The following RSPH14 variants were observed in gnomAD, a reference collection of about 807,000 sequenced individuals.
The protein encoded by RSPH14 is rhabdoid tumor deletion region gene 1.
Under a neutral mutation model 26.7 loss-of-function variants are expected in RSPH14, and 20 were observed. The observed-to-expected ratio is 0.75, with a 90% CI of 0.53 to 1.09. The LOEUF is 1.09. Among genes scored for constraint, RSPH14 ranks in the 50% least tolerant of loss-of-function variants. RSPH14 has a pLI of 0.00. For synonymous variants in RSPH14, 177 were observed against 189.3 expected, an observed-to-expected ratio of 0.93 and a Z score of 0.53; for missense variants, 449 against 457.2, an observed-to-expected ratio of 0.98 and a Z score of 0.16.
intron 4 of RSPH14, among the ~76,000 whole-genome samples, chr22:23,087,429 G>C (rs2068850027): frequency 1.3e-5 from 2 of 152,194 alleles, no homozygotes; most frequent in South Asian, 4.1e-4. Context: ...GTGCACTGCA[G>C]CTGGGTGACA....
In RSPH14 at chr22:23,090,019, C is replaced by T. The variant is rs142255300; in HGVS notation, c.422-25886G>A. Reference sequence around the variant, plus strand: ...CTATGTCGCACTAAGTCCTAAGCGACCTCCTGGTGAATTTGCCACACCCTT... The same window carrying T: ...CTATGTCGCACTAAGTCCTAAGCGATCTCCTGGTGAATTTGCCACACCCTT... On this transcript the variant is annotated intron_variant, in intron 4 of 6. Transcript: ENST00000216036. Among the ~76,000 whole-genome samples, 243 of 152,232 alleles carry T rather than the reference C, an allele frequency of 1.6e-3. 1 individual carries two copies. Among genetic ancestry groups the T allele is most frequent in the African/African-American group, 5.7e-3 (236 of 41,536 alleles).
the RSPH14 span, among the ~76,000 whole-genome samples, chr22:23,171,625 C>T: frequency 1.3e-5 from 2 of 152,036 alleles, no homozygotes; most frequent in South Asian, 2.1e-4. Context: ...GGTGGATCAC[C>T]TGAGGTCAGG....
chr22:23,146,395 G>T (rs1321694180), upstream of RSPH14, among the ~76,000 whole-genome samples: 1 of 150,268 alleles, frequency 6.7e-6, no homozygotes, highest in Non-Finnish European at 1.5e-5. Flanking sequence ...TTTTTTTGTA[G>T]AGACTGAGGT....
chr22:23,059,445 A>G lies in RSPH14; in HGVS notation c.*17T>C, dbSNP rs756927027. On this transcript the variant is annotated 3_prime_UTR_variant, in exon 7 of 7. Coordinates refer to ENST00000216036, the MANE Select transcript of RSPH14 (RefSeq NM_014433.3). ...AGACTTAGCACATTTATTCACTCAC[A>G]GAGGTGAATGAAGGGCTCAGGGTTT... 6.3e-7 allele frequency: 1 copy of G among 1,581,184 alleles called. No homozygotes were observed. Among genetic ancestry groups the G allele is most frequent in the Non-Finnish European group, 8.6e-7 (1 of 1,159,586 alleles).
At chr22:23,178,638 T>G in the RSPH14 span, among the ~76,000 whole-genome samples, 2 of 152,210 alleles carry the variant, frequency 1.3e-5, no homozygotes, top group African/African-American at 4.8e-5. Context: ...AGCAGTGAGC[T>G]GCGCACCGCC....
the RSPH14 span, among the ~76,000 whole-genome samples, chr22:23,158,733 C>T: frequency 5.3e-5 from 8 of 152,230 alleles, no homozygotes; most frequent in Non-Finnish European, 8.8e-5. Flanking sequence ...CAACGCCCTT[C>T]CGGCTGGAGG....
intron 3 of RSPH14, among the ~76,000 whole-genome samples, chr22:23,135,526 A>ATAAATT (rs1160636362): frequency 3.7e-4 from 56 of 151,434 alleles, no homozygotes; most frequent in Non-Finnish European, 6.8e-4. Context: ...ATAAATTAAT[A>ATAAATT]AATAAAAAGA....
At chr22:23,176,705 C>T in the RSPH14 span, among the ~76,000 whole-genome samples, 1 of 152,336 alleles carries the variant, frequency 6.6e-6, no homozygotes, top group Middle Eastern at 3.4e-3. Flanking sequence ...GGGTACCTTG[C>T]TTCTGCCCTA....
At chr22:23,110,585 G>A (rs1198917647) in intron 4 of RSPH14, among the ~76,000 whole-genome samples, 1 of 152,246 alleles carries the variant, frequency 6.6e-6, no homozygotes, top group African/African-American at 2.4e-5. Context: ...CTGAGCAGAT[G>A]GGCAGTAGAC....
chr22:23,142,482 C>T (rs909145673), upstream of RSPH14, among the ~76,000 whole-genome samples: 1 of 152,194 alleles, frequency 6.6e-6, no homozygotes, highest in Non-Finnish European at 1.5e-5. Context: ...GGATTATAGG[C>T]GGCCGCCATC....
chr22:23,162,688 C>T, the RSPH14 span: 1 of 456,324 alleles, frequency 2.2e-6, no homozygotes, highest in Non-Finnish European at 4.4e-6. Context: ...TGTCACCTGG[C>T]TATGCCCACT....
At chr22:23,081,916 G>A (rs2068689978) in intron 4 of RSPH14, among the ~76,000 whole-genome samples, 1 of 151,314 alleles carries the variant, frequency 6.6e-6, no homozygotes, top group Non-Finnish European at 1.5e-5. Flanking sequence ...ACGAGGTCAG[G>A]AGATCGAGAC....
intron 4 of RSPH14, among the ~76,000 whole-genome samples, chr22:23,073,781 G>T (rs1457707668): frequency 6.6e-6 from 1 of 152,220 alleles, no homozygotes; most frequent in Non-Finnish European, 1.5e-5. Context: ...CCTGCTGCAT[G>T]CCAGGCACTG....
chr22:23,124,484 A>T (rs1328698753), intron 4 of RSPH14: 1 of 401,442 alleles, frequency 2.5e-6, no homozygotes, highest in Non-Finnish European at 5.3e-6. Flanking sequence ...TCCTCTTGTT[A>T]ATGGTGGGGT....
chr22:23,111,028 G>C (rs550435534), intron 4 of RSPH14, among the ~76,000 whole-genome samples: 20 of 152,214 alleles, frequency 1.3e-4, no homozygotes, highest in African/African-American at 4.1e-4. Context: ...TTCGAATGAG[G>C]GGGTAGGATA....
chr22:23,166,408 G>T, the RSPH14 span, among the ~76,000 whole-genome samples: 1 of 151,664 alleles, frequency 6.6e-6, no homozygotes, highest in Non-Finnish European at 1.5e-5. Context: ...GTAAGATGAA[G>T]GGCTGTGTCC....
chr22:23,135,033 T>C (rs562944680), intron 3 of RSPH14, among the ~76,000 whole-genome samples: 1 of 152,150 alleles, frequency 6.6e-6, no homozygotes, highest in East Asian at 1.9e-4. Flanking sequence ...TAGCCAGGCA[T>C]GGTGGTGTGT....
chr22:23,179,191 G>A, the RSPH14 span, among the ~76,000 whole-genome samples: 15 of 152,138 alleles, frequency 9.9e-5, no homozygotes, highest in African/African-American at 3.4e-4. Context: ...TTGGGAGGAG[G>A]GCATGATAAT....
chr22:23,061,128 C>T (rs2068084897), intron 6 of RSPH14, among the ~76,000 whole-genome samples: 1 of 152,176 alleles, frequency 6.6e-6, no homozygotes, highest in Non-Finnish European at 1.5e-5. Context: ...CTTTGGGAGG[C>T]TGATTGCAAA....
Sources: allele counts gnomAD v4.1 joint callset (sites outside exome capture counted in the v4.1 genomes callset), GRCh38; gene constraint gnomAD v4.1.1; transcripts MANE v1.5; gene names NCBI Gene and HGNC (gene_info 2026-07-23, HGNC 2026-07-21).